CDKL5: variants seen among roughly 807,000 people sequenced by gnomAD.
CDKL5 encodes the protein cyclin dependent kinase like 5, also known as cyclin-dependent kinase-like 5.
Under a neutral mutation model 61.7 loss-of-function variants are expected in CDKL5, and 8 were observed. The observed-to-expected ratio is 0.13, with a 90% CI of 0.08 to 0.23. The LOEUF is 0.23. Among genes scored for constraint, CDKL5 ranks in the 10% least tolerant of loss-of-function variants. The probability of loss-of-function intolerance (pLI) is 1.00; values close to 1 mark genes in which losing one functional copy is unlikely to be tolerated. For synonymous variants in CDKL5, 275 were observed against 272.3 expected (o/e 1.01, Z -0.10); for missense variants, 440 against 734.5 (o/e 0.60, Z 4.63).
At chrX:18,431,910 A>G (rs1357653199) in intron 1 of CDKL5, among the ~76,000 whole-genome samples, 1 of 58,714 alleles carries the variant, frequency 1.7e-5, no homozygotes, top group East Asian at 7.7e-4. Flanking sequence ...TGCTTCACCT[A>G]GACCTCTCCT....
At chrX:18,652,583 C>T (rs148237279) in intron 21 of CDKL5, among the ~76,000 whole-genome samples, 1,204 of 111,355 alleles carry the variant, frequency 0.011, 7 homozygotes, top group Middle Eastern at 0.028. Context: ...ACAGGAGAAT[C>T]GCTTGAACCC....
chrX:18,511,573 G>T (rs73191521), intron 3 of CDKL5, among the ~76,000 whole-genome samples: 2,172 of 111,483 alleles, frequency 0.019, 26 homozygotes, highest in Non-Finnish European at 0.034. Context: ...TGCTATACAG[G>T]TTTGTAGCCT....
chrX:18,435,162 C>T (rs1484725430), intron 1 of CDKL5, among the ~76,000 whole-genome samples: 1 of 111,110 alleles, frequency 9.0e-6, no homozygotes, highest in Non-Finnish European at 1.9e-5. Context: ...TCAAAGATTA[C>T]CAGAGGCTGG....
intron 1 of CDKL5, among the ~76,000 whole-genome samples, chrX:18,477,858 A>G (rs908629290): frequency 8.9e-6 from 1 of 112,291 alleles, no homozygotes. Context: ...GAGAGGAAGT[A>G]TATATTTGTA....
rs1204561636 is a variant in CDKL5, at chrX:18,509,197, G to GCACGCGCGCACACACA, written c.65-1620_65-1619insGCGCGCACACACACAC. Among the ~76,000 whole-genome samples the GCACGCGCGCACACACA allele has an allele frequency of 7.8e-5, 5 of 64,308 alleles. No individual in the cohort carries two copies. In the South Asian group the frequency reaches 3.3e-3, roughly 42 times the overall value. 55.8% of individuals were successfully genotyped at this position (64,308 alleles called of 115,157 possible). ...AGAGAGCGAGACTGTCTCAAAACAC[G>GCACGCGCGCACACACA]CACACACACACACACACACACACAC... On this transcript the variant is annotated intron_variant, in intron 2 of 17. Transcript: ENST00000623535.
intron 1 of CDKL5, among the ~76,000 whole-genome samples, chrX:18,430,096 A>G (rs1931450447): frequency 8.9e-6 from 1 of 112,086 alleles, no homozygotes; most frequent in Non-Finnish European, 1.9e-5. Context: ...TAGATAGGAC[A>G]ATTGGAAGTG....
intron 3 of CDKL5, among the ~76,000 whole-genome samples, chrX:18,549,875 A>G (rs1476363313): frequency 9.0e-6 from 1 of 111,527 alleles, no homozygotes; most frequent in African/African-American, 3.3e-5. Flanking sequence ...GCTTTAACAC[A>G]ATGTAAGCAG....
intron 3 of CDKL5, among the ~76,000 whole-genome samples, chrX:18,527,524 A>T (rs1161001145): frequency 1.8e-5 from 2 of 111,829 alleles, no homozygotes; most frequent in Non-Finnish European, 3.8e-5. Flanking sequence ...GCATAGATTT[A>T]TTTATAATAA....
chrX:18,603,791 A>G, intron 11 of CDKL5, 111 bp from the exon 12 acceptor site: 1 of 915,712 alleles, frequency 1.1e-6, no homozygotes, highest in Non-Finnish European at 1.6e-6. Context: ...TGAGAGAATT[A>G]ATGTTTTTAG....
At chrX:18,507,612 C>T (rs755026671) in intron 2 of CDKL5, among the ~76,000 whole-genome samples, 1 of 109,945 alleles carries the variant, frequency 9.1e-6, no homozygotes, top group South Asian at 3.9e-4. Context: ...CTCACTGTTA[C>T]CCAGACTGGA....
intron 17 of CDKL5, among the ~76,000 whole-genome samples, chrX:18,626,046 G>T (rs1462143420): frequency 1.8e-5 from 2 of 108,224 alleles, no homozygotes; most frequent in African/African-American, 6.7e-5. Flanking sequence ...AGATTTCTGT[G>T]ATTGGGAGAG....
chrX:18,480,094 C>T (rs1208007253), intron 1 of CDKL5, among the ~76,000 whole-genome samples: 1 of 111,685 alleles, frequency 9.0e-6, no homozygotes, highest in Non-Finnish European at 1.9e-5. Context: ...ATACTTTATT[C>T]AAATTTCCTG....
intron 7 of CDKL5, 74 bp from the exon 8 acceptor site, chrX:18,584,189 C>T (rs780340864): frequency 1.1e-4 from 66 of 627,665 alleles, no homozygotes; most frequent in Admixed American, 4.0e-4. Flanking sequence ...GTATTACTAG[C>T]GCTGAAATAT....
At chrX:18,529,869 T>G (rs1923579999) in intron 3 of CDKL5, among the ~76,000 whole-genome samples, 1 of 110,050 alleles carries the variant, frequency 9.1e-6, no homozygotes, top group Non-Finnish European at 1.9e-5. Flanking sequence ...TTCTCTGAGT[T>G]TCCTGGATAT....
chrX:18,591,799 A>G (rs1281376410), intron 9 of CDKL5, among the ~76,000 whole-genome samples: 1 of 110,982 alleles, frequency 9.0e-6, no homozygotes, highest in Non-Finnish European at 1.9e-5. Context: ...CCCTAGACTC[A>G]GGCCAAATGT....
At chrX:18,532,616 C>T (rs1373098402) in intron 3 of CDKL5, among the ~76,000 whole-genome samples, 3 of 111,423 alleles carry the variant, frequency 2.7e-5, no homozygotes, top group Admixed American at 1.9e-4. Flanking sequence ...AACTACAGAT[C>T]GTGGTGACTT....
At chrX:18,476,417 A>G (rs751130827) in intron 1 of CDKL5, among the ~76,000 whole-genome samples, 1 of 111,075 alleles carries the variant, frequency 9.0e-6, no homozygotes, top group African/African-American at 3.3e-5. Context: ...GGTTTTCACC[A>G]TGTTGCTCAG....
rs1020140417 is a variant in CDKL5 at position 18,631,960 on chromosome X, G to C, written c.*3203G>C. 1 of 624,572 alleles carries C rather than the reference G, an allele frequency of 1.6e-6. No homozygotes were observed. The highest frequency in any genetic ancestry group is 1.9e-6 in the Non-Finnish European group (1 of 520,928). 51.5% of individuals were successfully genotyped at this position (624,572 alleles called of 1,213,427 possible). ...CTGGGGACATTTGGTTGTCATAGCT[G>C]GGGGGGAGGTGATGGTATGCTACTG... is the stretch of plus-strand genomic sequence containing the variant. On this transcript the variant is annotated 3_prime_UTR_variant, in exon 18 of 18. Transcript: ENST00000623535.
chrX:18,444,276 A>G (rs1931822676), intron 1 of CDKL5, among the ~76,000 whole-genome samples: 2 of 110,835 alleles, frequency 1.8e-5, no homozygotes, highest in South Asian at 3.7e-4. Flanking sequence ...ATTTTTCATC[A>G]CATCCTTCGT....
Sources: gnomAD v4.1 joint callset for allele counts (sites outside exome capture counted in the v4.1 genomes callset) on GRCh38, gnomAD v4.1.1 for gene constraint, MANE v1.5 for transcripts, NCBI Gene and HGNC (gene_info 2026-07-23, HGNC 2026-07-21) for gene names.